Variants in RNF7 observed in about 807,000 individuals in gnomAD.
RNF7 encodes the protein RING-box protein 2.
A neutral mutation model predicts 17.0 loss-of-function variants in RNF7; 9 were observed. The ratio of observed to expected loss-of-function variants is 0.53; its 90% confidence interval spans 0.32 to 0.92. The LOEUF (loss-of-function observed/expected upper bound fraction) is 0.92, where lower values mean the gene tolerates loss of function less well. Ranked by LOEUF, RNF7 falls within the 40% of genes least tolerant of loss-of-function variation. RNF7 has a pLI of 0.04. For missense variants in RNF7, 87 were observed against 145.8 expected (o/e 0.60, Z 2.08); for synonymous variants, 59 against 50.5 (o/e 1.17, Z -0.72).
intron 2 of RNF7, among the ~76,000 whole-genome samples, chr3:141,743,786 T>C (rs986901937): frequency 2.6e-5 from 4 of 152,186 alleles, no homozygotes; most frequent in African/African-American, 9.7e-5. Context: ...CCAGACATGG[T>C]CATAATAAAC....
At chr3:141,741,186 G>A (rs753655508) in intron 1 of RNF7, among the ~76,000 whole-genome samples, 63 of 152,310 alleles carry the variant, frequency 4.1e-4, no homozygotes, top group Middle Eastern at 3.4e-3. Context: ...TTAAAATTCT[G>A]TGATTGCACA....
chr3:141,742,182 A>C (rs955825469), intron 1 of RNF7, among the ~76,000 whole-genome samples: 2 of 143,910 alleles, frequency 1.4e-5, no homozygotes, highest in Admixed American at 6.9e-5. Context: ...GTTCCCTGCT[A>C]TGTGGCCATG....
At chr3:141,743,095 GT>G (rs2084437787) in intron 1 of RNF7, 1 of 190,154 alleles carries the variant, frequency 5.3e-6, no homozygotes, top group Admixed American at 5.4e-5. Flanking sequence ...GTATCCTAGT[GT>G]TTCTTGATGT....
At chr3:141,742,608 A>T (rs1054472720) in intron 1 of RNF7, 2 of 1,172,528 alleles carry the variant, frequency 1.7e-6, no homozygotes, top group Non-Finnish European at 1.1e-6. Flanking sequence ...CCCACTTAAT[A>T]TATAAATACC....
rs530727187 is a variant in RNF7 at position 141,745,387 on chromosome 3, G to A, written c.*110G>A. ...CAGGGGATGAATTCTTCAAATAGGA[G>A]CCGATGGATCTGTGGTCCTTTGGGA... On this transcript the variant is annotated 3_prime_UTR_variant, in exon 3 of 3. Transcript: ENST00000273480. The A allele has an allele frequency of 4.5e-5, 29 of 642,178 alleles. No individual in the cohort carries two copies. In the African/African-American group the frequency reaches 4.8e-4, roughly 11 times the overall value. The allele number at this position is 642,178 out of a possible 1,614,324, so 39.8% of individuals were successfully genotyped here.
intron 1 of RNF7, chr3:141,742,914 A>G: frequency 9.6e-7 from 1 of 1,045,928 alleles, no homozygotes; most frequent in East Asian, 9.9e-5. Flanking sequence ...GTCAGTAAGT[A>G]TGGATGACTT....
rs542168365 is a variant in RNF7, at chr3:141,740,207, T to A, written c.175+1691T>A. Among the ~76,000 whole-genome samples the A allele has an allele frequency of 2.6e-5, 4 of 152,122 alleles. No individual in the cohort carries two copies. The East Asian group carries it at 7.7e-4, about 29-fold the overall frequency. ...TTAAGACAAGTTTCGCTAAACATTT[T>A]ATCTCCTAAATAAATTTCCTTTAGT... On this transcript the variant is annotated intron_variant, in intron 1 of 2. Transcript: ENST00000273480.
Position 141,746,011 on chromosome 3 carries a change from C to T in RNF7, c.*734C>T, listed in dbSNP as rs2084468623. On this transcript the variant is annotated 3_prime_UTR_variant, in exon 3 of 3. Coordinates refer to ENST00000273480, the MANE Select transcript of RNF7 (RefSeq NM_014245.5). ...TTTTTTGTGGGGGTGAAGTCTTGCT[C>T]TGCCACCCAGGCTGGAGTGCAGTGG... is the stretch of plus-strand genomic sequence containing the variant. 6.9e-6 allele frequency: 1 copy of T among 145,188 alleles called. No homozygotes were observed. The highest frequency in any genetic ancestry group is 7.0e-5 in the Admixed American group (1 of 14,276). 9.0% of individuals were successfully genotyped at this position (145,188 alleles called of 1,614,324 possible).
Position 141,747,149 on chromosome 3 carries a change from A to G in RNF7, c.*1872A>G, listed in dbSNP as rs1400086136. The G allele has an allele frequency of 6.6e-6, 1 of 152,288 alleles. No individual in the cohort carries two copies. Among genetic ancestry groups the G allele is most frequent in the East Asian group, 1.9e-4 (1 of 5,204 alleles). The allele number at this position is 152,288 out of a possible 1,614,324, so 9.4% of individuals were successfully genotyped here. A position where few individuals can be genotyped will look rare whatever the true frequency, so the allele number is the denominator to read the frequency against. On this transcript the variant is annotated 3_prime_UTR_variant, in exon 3 of 3. Transcript: ENST00000273480. Reference sequence around the variant, plus strand: ...CCCGCCACCTAACAAAGCCCTGTTTATGCCACACACCAGCATCTGAGGGAA... The same window carrying G: ...CCCGCCACCTAACAAAGCCCTGTTTGTGCCACACACCAGCATCTGAGGGAA...
intron 1 of RNF7, 137 bp downstream of exon 1, chr3:141,738,653 G>C: frequency 4.2e-6 from 4 of 948,616 alleles, no homozygotes; most frequent in Non-Finnish European, 5.9e-6. Context: ...CCCTGCCCCG[G>C]CGCCGGAGGA....
chr3:141,738,547 C>T (rs766789858), intron 1 of RNF7, 31 bp downstream of exon 1: 16 of 1,564,840 alleles, frequency 1.0e-5, no homozygotes, highest in Middle Eastern at 3.7e-4. Context: ...CAGGGCCGCC[C>T]TGCGGCCTCC....
At chr3:141,741,080 C>G (rs1004740635) in intron 1 of RNF7, among the ~76,000 whole-genome samples, 1 of 152,160 alleles carries the variant, frequency 6.6e-6, no homozygotes, top group African/African-American at 2.4e-5. Flanking sequence ...CCAGAGTAAC[C>G]CTTCATGACT....
At chr3:141,740,389 G>C (rs1199405601) in intron 1 of RNF7, among the ~76,000 whole-genome samples, 1 of 152,140 alleles carries the variant, frequency 6.6e-6, no homozygotes, top group East Asian at 1.9e-4. Context: ...AATAATGATT[G>C]AAACTTTGCA....
chr3:141,744,254 G>C (rs2084449414), intron 2 of RNF7, among the ~76,000 whole-genome samples: 1 of 152,088 alleles, frequency 6.6e-6, no homozygotes, highest in Admixed American at 6.5e-5. Context: ...TTTTGATCCA[G>C]TTCTTCCTCC....
chr3:141,740,643 C>T (rs769081899), intron 1 of RNF7, among the ~76,000 whole-genome samples: 81 of 152,128 alleles, frequency 5.3e-4, no homozygotes, highest in Non-Finnish European at 7.9e-4. Flanking sequence ...TTTTTCCAGA[C>T]TTCCTAGTCC....
chr3:141,740,091 C>T (rs1275050606), intron 1 of RNF7, among the ~76,000 whole-genome samples: 1 of 151,596 alleles, frequency 6.6e-6, no homozygotes, highest in African/African-American at 2.4e-5. Flanking sequence ...TATTTGCCAG[C>T]AATACAGCTG....
rs779758436 is a variant in RNF7 at position 141,745,229 on chromosome 3, C to T, written c.294C>T (p.Arg98=). The T allele has an allele frequency of 4.3e-6, 7 of 1,612,966 alleles. No homozygotes were observed. The highest frequency in any genetic ancestry group is 5.9e-6 in the Non-Finnish European group (7 of 1,179,884). Residue 98 remains arginine, a synonymous_variant, in exon 3 of 3, where the codon CGC becomes CGT. Coordinates refer to ENST00000273480, the MANE Select transcript of RNF7 (RefSeq NM_014245.5). ...CMSLWVKQNN[R]CPLCQQDWVV... ...CCCTGTGGGTGAAACAGAACAATCG[C>T]TGCCCTCTCTGCCAGCAGGACTGGG...
At position 141,743,444 on chromosome 3, in the gene RNF7, G is replaced by A. The variant is rs73870351; in HGVS notation, c.176-65G>A. The A allele has an allele frequency of 9.9e-4, 1,266 of 1,282,184 alleles. 7 individuals are homozygous for A. In the African/African-American group the frequency reaches 0.017, roughly 18 times the overall value. The allele number at this position is 1,282,184 out of a possible 1,614,324, so 79.4% of individuals were successfully genotyped here. ...AACCCTTAGGGCTTTTGACTTTGAAGTGTCTGGTTTTTAAAAATTGCATTC... is the reference window on the plus strand; with the variant it reads ...AACCCTTAGGGCTTTTGACTTTGAAATGTCTGGTTTTTAAAAATTGCATTC... On this transcript the variant is annotated intron_variant, in intron 1 of 2. Coordinates refer to ENST00000273480, the MANE Select transcript of RNF7 (RefSeq NM_014245.5).
intron 1 of RNF7, among the ~76,000 whole-genome samples, chr3:141,741,857 T>A (rs1217034560): frequency 6.6e-6 from 1 of 152,170 alleles, no homozygotes; most frequent in Non-Finnish European, 1.5e-5. Context: ...ATGTTAGTAT[T>A]TGTTTATATA....
Sources: gnomAD v4.1 joint callset for allele counts (sites outside exome capture counted in the v4.1 genomes callset) on GRCh38, gnomAD v4.1.1 for gene constraint, MANE v1.5 for transcripts, NCBI Gene and HGNC (gene_info 2026-07-23, HGNC 2026-07-21) for gene names.